The following COPS9 variants were observed in gnomAD, a reference collection of about 807,000 sequenced individuals.
The protein encoded by COPS9 is COP9 signalosome subunit 9.
In COPS9, 8 loss-of-function variants were observed where a neutral mutation model predicts 7.2. That is an observed-to-expected ratio of 1.11 (90% CI 0.65 to 2.00). COPS9 has a LOEUF of 2.00. Ranked by LOEUF, COPS9 falls within the 30% of genes most tolerant of loss-of-function variation. The probability of loss-of-function intolerance (pLI) is 0.00; values close to 1 mark genes in which losing one functional copy is unlikely to be tolerated. For synonymous variants in COPS9, 39 were observed against 28.7 expected, an observed-to-expected ratio of 1.36 and a Z score of -1.14; for missense variants, 74 against 77.7, an observed-to-expected ratio of 0.95 and a Z score of 0.18.
At chr2:240,129,181 T>C (rs12618001), downstream of COPS9, among the ~76,000 whole-genome samples, 25,133 of 152,176 alleles carry the variant, frequency 0.17, 2,462 homozygotes, top group East Asian at 0.45. Flanking sequence ...TCTGGTTTTG[T>C]CTAGAGACAG....
At chr2:240,134,318 C>T (rs1279562575) in intron 1 of COPS9, 2 of 259,984 alleles carry the variant, frequency 7.7e-6, no homozygotes, top group Non-Finnish European at 1.5e-5. Context: ...TCCGATCCCT[C>T]GCCGGACATC....
At chr2:240,136,052 G>A in intron 1 of COPS9, 170 bp downstream of exon 1, 3 of 1,117,940 alleles carry the variant, frequency 2.7e-6, no homozygotes, top group Non-Finnish European at 3.5e-6. Context: ...CTTTCACCAG[G>A]TGCTCGGAGA....
chr2:240,129,356 G>T (rs1369839623), downstream of COPS9, among the ~76,000 whole-genome samples: 1 of 152,096 alleles, frequency 6.6e-6, no homozygotes, highest in Admixed American at 6.5e-5. Flanking sequence ...ATAGAGAGGG[G>T]GGTCTCGTTC....
rs549457261 is a variant in COPS9 at position 240,132,489 on chromosome 2, G to A, written c.137-1401C>T. ...GCTCTCCTGCGTCCCCTCCCTGACC[G>A]GCCGTGGCTCAAAGGCAGACACGCG... On this transcript the variant is annotated intron_variant, in intron 2 of 2. Transcript: ENST00000607357. The surrounding 1 kb of genome is among the most constrained non-coding windows in gnomAD (Gnocchi z 4.1). Among the ~76,000 whole-genome samples the A allele has an allele frequency of 4.3e-4, 66 of 152,240 alleles. No homozygotes were observed. The South Asian group carries it at 0.012, about 29-fold the overall frequency.
In COPS9 at chr2:240,136,268, T is replaced by C; in HGVS notation, c.17A>G (p.Asp6Gly). The C allele has an allele frequency of 6.4e-7, 1 of 1,569,698 alleles. No individual in the cohort carries two copies. The highest frequency in any genetic ancestry group is 1.2e-5 in the South Asian group (1 of 85,986). Residue 6 changes from aspartate to glycine, a missense_variant, in exon 1 of 3, where the codon GAC becomes GGC. Asp to Gly is a moderately conservative substitution (Grantham distance 94, BLOSUM62 -1). Transcript: ENST00000607357. MKPAVDEMFPEGAGPY... is the reference protein window; with the variant it reads MKPAVGEMFPEGAGPY... ...CCCGGCGCCCTCGGGGAACATCTCGTCCACCGCCGGCTTCATCTCGGGGCC... is the reference window on the plus strand; with the variant it reads ...CCCGGCGCCCTCGGGGAACATCTCGCCCACCGCCGGCTTCATCTCGGGGCC...
At chr2:240,130,792 T>G, downstream of COPS9, 1 of 1,364,598 alleles carries the variant, frequency 7.3e-7, no homozygotes, top group East Asian at 2.7e-5. Context: ...ACTGCAACAT[T>G]CACTCATAAG....
downstream of COPS9, among the ~76,000 whole-genome samples, chr2:240,130,365 G>C (rs1300252732): frequency 6.6e-6 from 1 of 152,224 alleles, no homozygotes; most frequent in African/African-American, 2.4e-5. Flanking sequence ...ATCGACTACT[G>C]AGCTGGGCCT....
At chr2:240,129,777 G>A (rs1054239406), downstream of COPS9, 16 of 678,316 alleles carry the variant, frequency 2.4e-5, no homozygotes, top group African/African-American at 3.6e-5. Flanking sequence ...CTCTCCAAGT[G>A]CAGACGACGT....
intron 2 of COPS9, among the ~76,000 whole-genome samples, chr2:240,131,576 C>A (rs1425162055): frequency 3.3e-5 from 5 of 152,180 alleles, no homozygotes; most frequent in Non-Finnish European, 5.9e-5. Context: ...GGTGAAGCCT[C>A]CAGTAAGGGA....
At chr2:240,129,831 G>C (rs753074319), downstream of COPS9, 151 of 1,277,916 alleles carry the variant, frequency 1.2e-4, 1 homozygote, top group Middle Eastern at 9.9e-4. Flanking sequence ...CTGCAGATAA[G>C]CCACGTGGGT....
intron 1 of COPS9, 77 bp from the exon 2 acceptor site, chr2:240,134,082 AC>A (rs1358575505): frequency 4.5e-6 from 6 of 1,338,004 alleles, no homozygotes; most frequent in Non-Finnish European, 6.4e-6. Context: ...CAGGGCCACT[AC>A]CCCCACAAAA....
downstream of COPS9, among the ~76,000 whole-genome samples, chr2:240,127,636 C>T (rs1389603612): frequency 2.6e-5 from 4 of 152,110 alleles, no homozygotes; most frequent in African/African-American, 4.8e-5. Context: ...GATCAGCGTC[C>T]GTACAGGAGA....
At chr2:240,134,194 T>A (rs968300099) in intron 1 of COPS9, 189 bp from the exon 2 acceptor site, 1 of 589,802 alleles carries the variant, frequency 1.7e-6, no homozygotes, top group Admixed American at 3.1e-5. Flanking sequence ...TTCAAAGGAA[T>A]GATTTTTAAG....
At chr2:240,135,251 C>T (rs1193050819) in intron 1 of COPS9, among the ~76,000 whole-genome samples, 2 of 152,162 alleles carry the variant, frequency 1.3e-5, no homozygotes, top group Non-Finnish European at 2.9e-5. Flanking sequence ...GGGCCTTCAT[C>T]CCCCACTACC....
chr2:240,129,860 G>A (rs1219456307), downstream of COPS9: 4 of 1,505,606 alleles, frequency 2.7e-6, no homozygotes, highest in South Asian at 3.5e-5. Flanking sequence ...CAAAGCGGCA[G>A]CCTCAACGTG....
rs958862489 is a variant in COPS9 at position 240,132,131 on chromosome 2, T to C, written c.137-1043A>G. Reference sequence around the variant, plus strand: ...TGCCCCCTCTGGAGAAACCTCCCTCTGCAGTGCTCCCAGAAACAATGCCGT... The same window carrying C: ...TGCCCCCTCTGGAGAAACCTCCCTCCGCAGTGCTCCCAGAAACAATGCCGT... On this transcript the variant is annotated intron_variant, in intron 2 of 2. Transcript: ENST00000607357. This position sits in a 1 kb window ranked among gnomAD's most constrained non-coding sequence, Gnocchi z 4.1. 6.6e-6 allele frequency among the ~76,000 whole-genome samples: 1 copy of C among 152,168 alleles called. No homozygotes were observed.
At chr2:240,129,101 C>A (rs1333155710), downstream of COPS9, among the ~76,000 whole-genome samples, 2 of 152,198 alleles carry the variant, frequency 1.3e-5, no homozygotes, top group Non-Finnish European at 2.9e-5. Context: ...TGGGATCATT[C>A]CTTCCTGCTG....
chr2:240,136,143 C>G lies in COPS9; in HGVS notation c.63+79G>C, dbSNP rs2071988473. 3 of 1,377,302 alleles carry G rather than the reference C, an allele frequency of 2.2e-6. No homozygotes were observed. The South Asian group carries it at 5.1e-5, about 24-fold the overall frequency. 85.3% of individuals were successfully genotyped at this position (1,377,302 alleles called of 1,614,324 possible). On this transcript the variant is annotated intron_variant, in intron 1 of 2. Coordinates refer to ENST00000607357, the MANE Select transcript of COPS9 (RefSeq NM_001163424.2). ...CCCGCCCGGCCTCCCCTCCCCGGGA[C>G]CCGCGCACCAGGACGCCGCCCTTCC... is the stretch of plus-strand genomic sequence containing the variant.
chr2:240,130,731 G>C (rs1485629708), downstream of COPS9: 4 of 1,101,040 alleles, frequency 3.6e-6, no homozygotes, highest in Non-Finnish European at 4.6e-6. Context: ...TCAGCGTGCT[G>C]ACAGATGCAC....
Sources: gnomAD v4.1 joint callset for allele counts (sites outside exome capture counted in the v4.1 genomes callset) on GRCh38, gnomAD v4.1.1 for gene constraint, Gnocchi (gnomAD v3.1) non-coding constraint, MANE v1.5 for transcripts, NCBI Gene and HGNC (gene_info 2026-07-23, HGNC 2026-07-21) for gene names.